RPH3A: variants seen among roughly 807,000 people sequenced by gnomAD.
The protein encoded by RPH3A is rabphilin 3A.
A neutral mutation model predicts 102.2 loss-of-function variants in RPH3A; 48 were observed. That is an observed-to-expected ratio of 0.47 (90% CI 0.37 to 0.60). RPH3A has a LOEUF of 0.60. Ranked by LOEUF, RPH3A falls within the 20% of genes least tolerant of loss-of-function variation. RPH3A has a pLI of 0.00. For synonymous variants in RPH3A, 310 were observed against 324.3 expected (o/e 0.96, Z 0.47); for missense variants, 781 against 910.1 (o/e 0.86, Z 1.83).
chr12:112,748,041 G>A (rs902411996), intron 1 of RPH3A, among the ~76,000 whole-genome samples: 8 of 152,190 alleles, frequency 5.3e-5, no homozygotes, highest in African/African-American at 1.9e-4. Flanking sequence ...CCATCTAACT[G>A]CAAGGAAGGC....
Position 112,887,791 on chromosome 12 carries a change from T to C in RPH3A, c.1437-6T>C. Reference sequence around the variant, plus strand: ...TTCTCTCTCTACCCCCTTGTGTTGGTGGCAGGATCTCCGTCTGTGATGAGG... The same window carrying C: ...TTCTCTCTCTACCCCCTTGTGTTGGCGGCAGGATCTCCGTCTGTGATGAGG... On this transcript the variant is annotated splice_region_variant and splice_polypyrimidine_tract_variant and intron_variant, in intron 16 of 21. Coordinates refer to ENST00000389385, the MANE Select transcript of RPH3A (RefSeq NM_001143854.2). 6.2e-7 allele frequency: 1 copy of C among 1,613,248 alleles called. No homozygotes were observed. Among genetic ancestry groups the C allele is most frequent in the Non-Finnish European group, 8.5e-7 (1 of 1,179,424 alleles).
At chr12:112,833,753 A>AGT (rs1364721620) in intron 3 of RPH3A, among the ~76,000 whole-genome samples, 1 of 150,238 alleles carries the variant, frequency 6.7e-6, no homozygotes, top group Non-Finnish European at 1.5e-5. Flanking sequence ...TTTTAAAGAC[A>AGT]GTGTCTCACT....
intron 1 of RPH3A, among the ~76,000 whole-genome samples, chr12:112,648,570 CA>C (rs1167121829): frequency 5.4e-4 from 6 of 11,038 alleles, no homozygotes; most frequent in African/African-American, 8.1e-4. Context: ...CCCATCTCTA[CA>C]AAAAAAAAAA....
intron 1 of RPH3A, among the ~76,000 whole-genome samples, chr12:112,776,706 C>G (rs1040265078): frequency 2.4e-4 from 36 of 151,934 alleles, no homozygotes; most frequent in South Asian, 1.7e-3. Context: ...AACCCCGTCT[C>G]TACTGAAAAT....
chr12:112,784,069 T>A (rs1333437587), intron 1 of RPH3A, among the ~76,000 whole-genome samples: 1 of 152,174 alleles, frequency 6.6e-6, no homozygotes, highest in Non-Finnish European at 1.5e-5. Context: ...CTGGGGTCAC[T>A]CCTTTATGAA....
At chr12:112,870,323 A>AG (rs1198175678) in intron 10 of RPH3A, among the ~76,000 whole-genome samples, 1 of 151,764 alleles carries the variant, frequency 6.6e-6, no homozygotes, top group Admixed American at 6.6e-5. Context: ...AAAAAAAAAA[A>AG]AAAAAACCCT....
At chr12:112,809,510 G>A (rs568140754) in intron 2 of RPH3A, among the ~76,000 whole-genome samples, 6 of 152,252 alleles carry the variant, frequency 3.9e-5, no homozygotes, top group Admixed American at 1.3e-4. Flanking sequence ...ATGGGCTGTC[G>A]TTGGCAATGA....
intron 1 of RPH3A, among the ~76,000 whole-genome samples, chr12:112,637,252 T>C (rs1048752795): frequency 1.1e-4 from 16 of 152,196 alleles, no homozygotes; most frequent in Non-Finnish European, 2.1e-4. Flanking sequence ...TCCTCCCCAA[T>C]GTGCTTCTCA....
chr12:112,862,940 T>C (rs2042546016), intron 5 of RPH3A, among the ~76,000 whole-genome samples: 1 of 151,702 alleles, frequency 6.6e-6, no homozygotes, highest in Admixed American at 6.6e-5. Flanking sequence ...TCCCCTGCCA[T>C]GTATGTACAC....
chr12:112,700,875 C>T (rs2040388751), intron 1 of RPH3A, among the ~76,000 whole-genome samples: 2 of 152,130 alleles, frequency 1.3e-5, no homozygotes, highest in Admixed American at 1.3e-4. Context: ...TCTCATGTCC[C>T]AACCACCTTC....
intron 1 of RPH3A, among the ~76,000 whole-genome samples, chr12:112,675,344 C>T (rs866471277): frequency 1.6e-4 from 24 of 152,118 alleles, no homozygotes; most frequent in South Asian, 6.2e-4. Context: ...TTGCCACTCT[C>T]GGAAGGTATT....
chr12:112,805,112 T>G (rs2041433312), intron 2 of RPH3A, among the ~76,000 whole-genome samples: 1 of 152,186 alleles, frequency 6.6e-6, no homozygotes, highest in African/African-American at 2.4e-5. Context: ...TTTTTAAAAA[T>G]AAAACATTGC....
At chr12:112,854,535 C>T (rs932740726) in intron 5 of RPH3A, among the ~76,000 whole-genome samples, 2 of 152,234 alleles carry the variant, frequency 1.3e-5, no homozygotes, top group Non-Finnish European at 2.9e-5. Flanking sequence ...TGCCCAGAGT[C>T]ACACAGTTAA....
intron 1 of RPH3A, chr12:112,694,967 G>A (rs1241713557): frequency 5.9e-6 from 1 of 170,152 alleles, no homozygotes; most frequent in Non-Finnish European, 1.5e-5. Flanking sequence ...ATCCCTTCTA[G>A]CAGTTTGCTG....
rs1328306669 is a variant in RPH3A at position 112,876,677 on chromosome 12, C to A, written c.982C>A (p.Pro328Thr). 1.2e-6 allele frequency: 2 copies of A among 1,612,898 alleles called. No individual in the cohort carries two copies. Among genetic ancestry groups the A allele is most frequent in the Non-Finnish European group, 1.7e-6 (2 of 1,179,486 alleles). ...GAGCGACCCTGGGACCACTGCCCCA[C>A]CCCGAGAGGAGAGAACAGGGGGAGT... is the stretch of plus-strand genomic sequence containing the variant. Reference protein sequence around the residue: ...APSDPGTTAPPREERTGGVGG... With the variant: ...APSDPGTTAPTREERTGGVGG... The change falls in exon 13 of 22, where the codon CCC becomes ACC. Residue 328 changes from proline (P) to threonine (T), a missense_variant. Pro to Thr is a conservative substitution (Grantham distance 38). Transcript: ENST00000389385.
intron 1 of RPH3A, among the ~76,000 whole-genome samples, chr12:112,653,875 G>T (rs569786199): frequency 1.3e-5 from 2 of 152,004 alleles, no homozygotes; most frequent in African/African-American, 4.8e-5. Flanking sequence ...TTAATTTTAA[G>T]AACTTTTTAT....
At position 112,691,974 on chromosome 12, in the gene RPH3A, C is replaced by T. The variant is rs1023245608; in HGVS notation, c.-139-100169C>T. Among the ~76,000 whole-genome samples, 30 of 152,096 alleles carry T rather than the reference C, an allele frequency of 2.0e-4. 1 individual carries two copies. Among genetic ancestry groups the T allele is most frequent in the Admixed American group, 1.9e-3 (29 of 15,286 alleles). The stretch of plus-strand genomic sequence containing the variant: ...TTTAAAAAATGTGTTATATATACAC[C>T]GTGGAATACTACTCAGCCATAAAAA... On this transcript the variant is annotated intron_variant, in intron 1 of 21. Transcript: ENST00000543106.
chr12:112,725,978 G>A (rs1488579446), intron 1 of RPH3A, among the ~76,000 whole-genome samples: 2 of 152,048 alleles, frequency 1.3e-5, no homozygotes, highest in Non-Finnish European at 2.9e-5. Flanking sequence ...TGTGTATTTA[G>A]TACAGGCAGG....
At chr12:112,888,008 G>A in intron 17 of RPH3A, 85 bp downstream of exon 17, 1 of 1,489,682 alleles carries the variant, frequency 6.7e-7, no homozygotes, top group South Asian at 1.2e-5. Flanking sequence ...GGGGGAAATA[G>A]ATCCACGGGG....
Sources: gnomAD v4.1 joint callset for allele counts (sites outside exome capture counted in the v4.1 genomes callset) on GRCh38, gnomAD v4.1.1 for gene constraint, MANE v1.5 for transcripts, NCBI Gene and HGNC (gene_info 2026-07-23, HGNC 2026-07-21) for gene names.